MCC: variants seen among roughly 807,000 people sequenced by gnomAD.
MCC encodes the protein colorectal mutant cancer protein.
MCC carries 90 observed loss-of-function variants against 116.2 expected under a neutral mutation model. That is an observed-to-expected ratio of 0.77 (90% CI 0.65 to 0.92). The LOEUF is 0.92. Ranked by LOEUF, MCC falls within the 40% of genes least tolerant of loss-of-function variation. The pLI is 0.00. For synonymous variants in MCC, 578 were observed against 510.5 expected (o/e 1.13, Z -1.78); for missense variants, 1,516 against 1,312.2 (o/e 1.16, Z -2.40).
chr5:113,068,056 A>G, intron 13 of MCC, 24 bp downstream of exon 13: 1 of 1,591,868 alleles, frequency 6.3e-7, no homozygotes, highest in South Asian at 1.1e-5. Context: ...CAAGAGGAGG[A>G]AGAGGGACTC....
At chr5:113,104,046 C>T (rs1272189324) in intron 7 of MCC, 146 bp downstream of exon 7, 2 of 790,662 alleles carry the variant, frequency 2.5e-6, no homozygotes, top group Non-Finnish European at 3.7e-6. Flanking sequence ...GCCCCCGCTT[C>T]TACACCGTGG....
chr5:113,370,293 G>C (rs1418048127), intron 2 of MCC, among the ~76,000 whole-genome samples: 1 of 152,124 alleles, frequency 6.6e-6, no homozygotes, highest in Non-Finnish European at 1.5e-5. Context: ...AGAGGCGAAG[G>C]TTTTTCCCTT....
At chr5:113,304,150 C>G (rs1368547422) in intron 3 of MCC, among the ~76,000 whole-genome samples, 2 of 152,154 alleles carry the variant, frequency 1.3e-5, no homozygotes, top group Non-Finnish European at 2.9e-5. Context: ...CCTCCTAAAA[C>G]TGCTCACTGA....
intron 11 of MCC, among the ~76,000 whole-genome samples, chr5:113,073,036 C>T (rs938577804): frequency 2.6e-5 from 4 of 152,052 alleles, no homozygotes; most frequent in African/African-American, 9.7e-5. Context: ...TGGGGCCCAA[C>T]ACAAATTTGT....
At chr5:113,467,562 T>C (rs1771947427) in intron 1 of MCC, among the ~76,000 whole-genome samples, 1 of 152,158 alleles carries the variant, frequency 6.6e-6, no homozygotes, top group Non-Finnish European at 1.5e-5. Context: ...TTGGTACCAG[T>C]ACCACGCTGT....
chr5:113,235,174 T>C (rs532523709), intron 3 of MCC, among the ~76,000 whole-genome samples: 8 of 152,330 alleles, frequency 5.3e-5, no homozygotes, highest in African/African-American at 1.9e-4. Flanking sequence ...AAAATGGGCT[T>C]TTTAAAAAAT....
At chr5:113,060,463 T>A (rs1299732413) in intron 14 of MCC, among the ~76,000 whole-genome samples, 1 of 152,144 alleles carries the variant, frequency 6.6e-6, no homozygotes, top group African/African-American at 2.4e-5. Context: ...TAGCAGCTCA[T>A]TTTTAGAAGG....
intron 1 of MCC, among the ~76,000 whole-genome samples, chr5:113,479,399 G>T (rs1462704656): frequency 3.9e-5 from 6 of 152,104 alleles, no homozygotes; most frequent in South Asian, 2.1e-4. Flanking sequence ...GGTTAAAGGG[G>T]TATATAAATT....
intron 15 of MCC, 67 bp from the exon 16 acceptor site, chr5:113,049,366 AGTGG>A: frequency 6.6e-6 from 9 of 1,365,350 alleles, no homozygotes; most frequent in Non-Finnish European, 7.9e-6. Context: ...GCTGCTGCCA[AGTGG>A]GTGGGTGGGG....
At chr5:113,463,661 C>A (rs918021139) in intron 1 of MCC, among the ~76,000 whole-genome samples, 1 of 152,116 alleles carries the variant, frequency 6.6e-6, no homozygotes, top group African/African-American at 2.4e-5. Context: ...AAATGCCTTA[C>A]AAATACCTGG....
intron 3 of MCC, among the ~76,000 whole-genome samples, chr5:113,156,937 A>C (rs527997252): frequency 6.6e-6 from 1 of 152,306 alleles, no homozygotes; most frequent in South Asian, 2.1e-4. Flanking sequence ...TCTGAGAGGA[A>C]AGGTGTCCAG....
intron 1 of MCC, among the ~76,000 whole-genome samples, chr5:113,467,792 G>A (rs901321632): frequency 1.4e-4 from 22 of 152,266 alleles, no homozygotes; most frequent in Admixed American, 9.8e-4. Flanking sequence ...CCATTTTCAC[G>A]ATATTGATTC....
intron 1 of MCC, among the ~76,000 whole-genome samples, chr5:113,392,494 G>A (rs1026617460): frequency 1.3e-5 from 2 of 150,856 alleles, no homozygotes; most frequent in African/African-American, 4.9e-5. Context: ...ACCACCTCTT[G>A]AGAGGACTTT....
chr5:113,471,027 C>G (rs1241825235), intron 1 of MCC, among the ~76,000 whole-genome samples: 1 of 152,202 alleles, frequency 6.6e-6, no homozygotes, highest in Non-Finnish European at 1.5e-5. Flanking sequence ...GTTTTCAGCT[C>G]CATCAGGTCT....
chr5:113,229,224 A>G (rs1763854240), intron 3 of MCC, among the ~76,000 whole-genome samples: 1 of 152,238 alleles, frequency 6.6e-6, no homozygotes, highest in Non-Finnish European at 1.5e-5. Flanking sequence ...CAGTGATGTG[A>G]GAAAACAGCC....
intron 17 of MCC, among the ~76,000 whole-genome samples, chr5:113,039,458 C>CT (rs964045871): frequency 6.6e-6 from 1 of 152,192 alleles, no homozygotes; most frequent in African/African-American, 2.4e-5. Context: ...CCTCATTTGC[C>CT]TTTCGCACTG....
At chr5:113,247,569 T>C (rs1025808118) in intron 3 of MCC, among the ~76,000 whole-genome samples, 1 of 152,102 alleles carries the variant, frequency 6.6e-6, no homozygotes, top group African/African-American at 2.4e-5. Flanking sequence ...CAAGGCAGCG[T>C]CTTAAGGATC....
chr5:113,100,774 A>AT (rs1756357585), intron 8 of MCC, among the ~76,000 whole-genome samples: 1 of 152,064 alleles, frequency 6.6e-6, no homozygotes, highest in African/African-American at 2.4e-5. Flanking sequence ...CCTGGCCAGT[A>AT]TTTTTCCCCT....
intron 1 of MCC, among the ~76,000 whole-genome samples, chr5:113,413,313 T>C (rs1291055714): frequency 1.3e-5 from 2 of 152,230 alleles, no homozygotes; most frequent in Non-Finnish European, 2.9e-5. Flanking sequence ...ATTCCCTCTT[T>C]TTCTATTGAT....
Sources: gnomAD v4.1 joint callset for allele counts (sites outside exome capture counted in the v4.1 genomes callset) on GRCh38, gnomAD v4.1.1 for gene constraint, MANE v1.5 for transcripts, NCBI Gene and HGNC (gene_info 2026-07-23, HGNC 2026-07-21) for gene names.